Variants in PRDM1 observed in about 807,000 individuals in gnomAD.
PRDM1 encodes PR domain zinc finger protein 1.
Under a neutral mutation model 62.8 loss-of-function variants are expected in PRDM1, and 13 were observed. The observed-to-expected ratio is 0.21, with a 90% CI of 0.13 to 0.33. The LOEUF (loss-of-function observed/expected upper bound fraction) is 0.33, where lower values mean the gene tolerates loss of function less well. PRDM1 is among the 10% of genes least tolerant of loss of function. The pLI, the probability that PRDM1 is intolerant of heterozygous loss-of-function variation, is 1.00. For missense variants in PRDM1, 895 were observed against 1,058.8 expected (o/e 0.85, Z 2.15); for synonymous variants, 396 against 417.6 (o/e 0.95, Z 0.63).
intron 1 of PRDM1, among the ~76,000 whole-genome samples, chr6:106,050,625 T>C (rs1205124638): frequency 6.6e-6 from 1 of 152,268 alleles, no homozygotes; most frequent in Non-Finnish European, 1.5e-5. Context: ...TTCATCCATC[T>C]TACCTGCCAA....
At chr6:106,080,585 G>T (rs1773679231) in intron 1 of PRDM1, among the ~76,000 whole-genome samples, 1 of 152,174 alleles carries the variant, frequency 6.6e-6, no homozygotes, top group Admixed American at 6.5e-5. Context: ...CGAGAGCCAG[G>T]CACAAGTAGC....
intron 1 of PRDM1, among the ~76,000 whole-genome samples, chr6:106,068,391 C>T (rs1014425232): frequency 1.3e-5 from 2 of 152,162 alleles, no homozygotes; most frequent in African/African-American, 4.8e-5. Context: ...CGTGCCTGGC[C>T]CACCCTGTTC....
intron 1 of PRDM1, among the ~76,000 whole-genome samples, chr6:106,007,744 GC>G (rs1160532228): frequency 6.6e-6 from 1 of 152,114 alleles, no homozygotes; most frequent in Non-Finnish European, 1.5e-5. Flanking sequence ...AAGGTCACCT[GC>G]CTGCCTACCT....
chr6:106,074,790 C>T (rs775776620), intron 1 of PRDM1, among the ~76,000 whole-genome samples: 20 of 152,142 alleles, frequency 1.3e-4, no homozygotes, highest in Middle Eastern at 3.2e-3. Context: ...GCCTGGTCAA[C>T]GTGGCGAAAC....
intron 1 of PRDM1, among the ~76,000 whole-genome samples, chr6:106,010,206 G>A (rs1772529654): frequency 6.6e-6 from 1 of 152,170 alleles, no homozygotes; most frequent in African/African-American, 2.4e-5. Flanking sequence ...ATACCCAAGA[G>A]TCTGACAGGC....
intron 1 of PRDM1, among the ~76,000 whole-genome samples, chr6:106,059,035 A>G (rs1320726251): frequency 6.6e-6 from 1 of 152,184 alleles, no homozygotes; most frequent in African/African-American, 2.4e-5. Flanking sequence ...TTGAGTACCT[A>G]CATGTATCAA....
At chr6:106,079,071 G>A (rs1044877564) in intron 1 of PRDM1, among the ~76,000 whole-genome samples, 7 of 151,632 alleles carry the variant, frequency 4.6e-5, no homozygotes, top group East Asian at 1.9e-4. Context: ...AGCGATTCTC[G>A]TGTCTCAGCC....
intron 4 of PRDM1, chr6:106,100,078 G>T: frequency 6.5e-6 from 1 of 153,530 alleles, no homozygotes; most frequent in Non-Finnish European, 1.5e-5. Flanking sequence ...CTTCCTTACA[G>T]TAAAAAAACT....
chr6:106,038,608 C>A (rs1772952993), intron 1 of PRDM1, among the ~76,000 whole-genome samples: 1 of 152,162 alleles, frequency 6.6e-6, no homozygotes. Context: ...ACAAAGACAG[C>A]CTGCCTCTAT....
At chr6:106,073,770 T>C (rs985298788) in intron 1 of PRDM1, among the ~76,000 whole-genome samples, 1 of 152,218 alleles carries the variant, frequency 6.6e-6, no homozygotes, top group African/African-American at 2.4e-5. Flanking sequence ...GGCTATAGTA[T>C]TGACACAAAT....
chr6:106,016,131 G>C (rs1403939087), intron 1 of PRDM1, among the ~76,000 whole-genome samples: 2 of 152,154 alleles, frequency 1.3e-5, no homozygotes, highest in African/African-American at 4.8e-5. Flanking sequence ...CAAGGAACAT[G>C]CATATTGTAG....
At chr6:106,079,374 A>G (rs1773657266) in intron 1 of PRDM1, among the ~76,000 whole-genome samples, 1 of 152,230 alleles carries the variant, frequency 6.6e-6, no homozygotes, top group African/African-American at 2.4e-5. Context: ...ACAATTACCA[A>G]CTTAAGACCT....
At chr6:106,038,450 C>G (rs1185104168) in intron 1 of PRDM1, among the ~76,000 whole-genome samples, 1 of 152,058 alleles carries the variant, frequency 6.6e-6, no homozygotes, top group Non-Finnish European at 1.5e-5. Context: ...CTATGCATTG[C>G]TTTTGCATAT....
At chr6:106,083,514 C>T (rs1773733177), upstream of PRDM1, among the ~76,000 whole-genome samples, 1 of 152,090 alleles carries the variant, frequency 6.6e-6, no homozygotes, top group African/African-American at 2.4e-5. Flanking sequence ...ACCAACATTG[C>T]AATTCCCAAT....
Position 106,071,158 on chromosome 6 carries a change from G to T in PRDM1, c.-66-17043G>T, listed in dbSNP as rs145958669. Among the ~76,000 whole-genome samples the T allele has an allele frequency of 1.4e-4, 21 of 152,202 alleles. No individual in the cohort carries two copies. The East Asian group carries it at 3.9e-3, about 28-fold the overall frequency. ...GTGGTGGTGGGCACCTGTAATCCCA[G>T]CTACTTGTGGGGGCTGAGGCAGGAG... On this transcript the variant is annotated intron_variant, in intron 1 of 6. Transcript: ENST00000651185.
chr6:106,005,540 T>C (rs1398895480), intron 1 of PRDM1, among the ~76,000 whole-genome samples: 9 of 152,358 alleles, frequency 5.9e-5, no homozygotes, highest in Non-Finnish European at 1.5e-5. Context: ...AAAATGAATA[T>C]GGAAAACCTT....
In PRDM1 at chr6:106,107,977, C is replaced by T; in HGVS notation, c.*491C>T. ...GGCCATTCTTTGTAGATAATTTCTG[C>T]ACATCTGTATAAGTACCTAAGATTT... is the stretch of plus-strand genomic sequence containing the variant. On this transcript the variant is annotated 3_prime_UTR_variant, in exon 7 of 7. Transcript: ENST00000369096. The T allele has an allele frequency of 4.3e-6, 1 of 232,460 alleles. No individual in the cohort carries two copies. Among genetic ancestry groups the T allele is most frequent in the Non-Finnish European group, 8.5e-6 (1 of 117,368 alleles). The allele number at this position is 232,460 out of a possible 1,614,324, so 14.4% of individuals were successfully genotyped here.
At chr6:106,030,878 G>T (rs371841517) in intron 1 of PRDM1, among the ~76,000 whole-genome samples, 1 of 151,950 alleles carries the variant, frequency 6.6e-6, no homozygotes, top group East Asian at 1.9e-4. Flanking sequence ...ATATTGATCT[G>T]TATATCTGAA....
At chr6:106,103,803 G>A (rs1774347874) in intron 4 of PRDM1, among the ~76,000 whole-genome samples, 1 of 152,146 alleles carries the variant, frequency 6.6e-6, no homozygotes, top group Non-Finnish European at 1.5e-5. Context: ...TTTCTTGGGT[G>A]CGCTAAGTAA....
Sources: gnomAD v4.1 joint callset for allele counts (sites outside exome capture counted in the v4.1 genomes callset) on GRCh38, gnomAD v4.1.1 for gene constraint, MANE v1.5 for transcripts, NCBI Gene and HGNC (gene_info 2026-07-23, HGNC 2026-07-21) for gene names.